TNR: variants seen among roughly 807,000 people sequenced by gnomAD.
TNR encodes the protein tenascin R.
In TNR, 45 loss-of-function variants were observed where a neutral mutation model predicts 150.4. The ratio of observed to expected loss-of-function variants is 0.30; its 90% CI spans 0.24 to 0.38. The LOEUF is 0.38. Among genes scored for constraint, TNR ranks in the 10% least tolerant of loss-of-function variants. The probability of loss-of-function intolerance (pLI) is 1.00; values close to 1 mark genes in which losing one functional copy is unlikely to be tolerated. For synonymous variants in TNR, 687 were observed against 678.4 expected (o/e 1.01, Z -0.20); for missense variants, 1,544 against 1,759.1 (o/e 0.88, Z 2.19).
At chr1:175,725,487 T>C (rs1347679961) in intron 1 of TNR, among the ~76,000 whole-genome samples, 1 of 152,188 alleles carries the variant, frequency 6.6e-6, no homozygotes, top group African/African-American at 2.4e-5. Context: ...TGACAAATGT[T>C]CACAAAACAC....
chr1:175,616,985 C>A (rs1330888045), intron 1 of TNR, among the ~76,000 whole-genome samples: 2 of 152,216 alleles, frequency 1.3e-5, no homozygotes, highest in African/African-American at 4.8e-5. Context: ...CAGCCATTAA[C>A]AAATATGTGA....
rs112639030 is a variant in TNR, at chr1:175,400,788, G to A, written c.976+2352C>T. On this transcript the variant is annotated intron_variant, in intron 4 of 22. Coordinates refer to ENST00000367674, the MANE Select transcript of TNR (RefSeq NM_003285.3). Reference sequence around the variant, plus strand: ...ACATCGTGCTGTGGTGTGTGCACCCGGCCAGGAACGTCAAACAGTGGATAA... The same window carrying A: ...ACATCGTGCTGTGGTGTGTGCACCCAGCCAGGAACGTCAAACAGTGGATAA... Among the ~76,000 whole-genome samples, 477 of 152,182 alleles carry A rather than the reference G, an allele frequency of 3.1e-3. 2 individuals are homozygous for A. The highest frequency in any genetic ancestry group is 0.011 in the African/African-American group (459 of 41,510).
intron 18 of TNR, among the ~76,000 whole-genome samples, chr1:175,349,381 G>A (rs1404442602): frequency 6.6e-6 from 1 of 152,154 alleles, no homozygotes; most frequent in Non-Finnish European, 1.5e-5. Context: ...TAAGATGGGT[G>A]CCCACCATGC....
intron 1 of TNR, among the ~76,000 whole-genome samples, chr1:175,723,829 C>T (rs1273342816): frequency 6.6e-6 from 1 of 152,152 alleles, no homozygotes; most frequent in East Asian, 1.9e-4. Context: ...CAAGATCACA[C>T]CACTGTACTC....
At chr1:175,525,654 C>T (rs946236692) in intron 2 of TNR, among the ~76,000 whole-genome samples, 1 of 152,216 alleles carries the variant, frequency 6.6e-6, no homozygotes, top group African/African-American at 2.4e-5. Context: ...CCTTCACCTA[C>T]CTGGCTCCTT....
chr1:175,648,057 C>T (rs1005976997), intron 1 of TNR, among the ~76,000 whole-genome samples: 2 of 152,018 alleles, frequency 1.3e-5, no homozygotes, highest in African/African-American at 4.8e-5. Context: ...CTCTGATCTC[C>T]CACACCCTCC....
intron 1 of TNR, among the ~76,000 whole-genome samples, chr1:175,582,557 T>A (rs144132384): frequency 6.6e-6 from 1 of 152,296 alleles, no homozygotes; most frequent in African/African-American, 2.4e-5. Context: ...TGCTCCATGT[T>A]CTACTTTGAG....
intron 1 of TNR, among the ~76,000 whole-genome samples, chr1:175,580,939 G>A (rs968031475): frequency 2.0e-5 from 3 of 152,086 alleles, no homozygotes; most frequent in African/African-American, 7.2e-5. Context: ...GGGGGTGGGG[G>A]ATGGGGGTCT....
chr1:175,395,885 A>T (rs558849262), intron 5 of TNR, among the ~76,000 whole-genome samples: 1 of 152,174 alleles, frequency 6.6e-6, no homozygotes, highest in Admixed American at 6.5e-5. Context: ...GTTTCCCTTT[A>T]TGTATAAAAA....
chr1:175,530,051 A>T (rs1403095544), intron 1 of TNR, among the ~76,000 whole-genome samples: 1 of 152,258 alleles, frequency 6.6e-6, no homozygotes, highest in African/African-American at 2.4e-5. Flanking sequence ...AAAGTGACAC[A>T]TGCTTATTAT....
At chr1:175,365,363 C>G (rs981051883) in intron 11 of TNR, 84 bp from the exon 12 acceptor site, 91 of 1,455,296 alleles carry the variant, frequency 6.3e-5, no homozygotes, top group Admixed American at 9.9e-5. Context: ...CTAAAGGGAC[C>G]TGCTCTCCTT....
intron 2 of TNR, among the ~76,000 whole-genome samples, chr1:175,479,087 G>A (rs1437904675): frequency 6.6e-6 from 1 of 152,146 alleles, no homozygotes; most frequent in Non-Finnish European, 1.5e-5. Context: ...AGGTTTAGAA[G>A]AGTTCAAAAA....
chr1:175,671,993 A>G (rs1348744385), intron 1 of TNR, among the ~76,000 whole-genome samples: 1 of 151,522 alleles, frequency 6.6e-6, no homozygotes, highest in Non-Finnish European at 1.5e-5. Context: ...TGAAGGGCAC[A>G]GGCTTTGGCA....
intron 1 of TNR, among the ~76,000 whole-genome samples, chr1:175,568,972 C>CT (rs986577752): frequency 3.3e-5 from 5 of 151,638 alleles, no homozygotes; most frequent in South Asian, 2.1e-4. Context: ...AAGTAAGAGG[C>CT]TTTTTTTTCT....
At chr1:175,444,227 G>C (rs1351612090) in intron 2 of TNR, among the ~76,000 whole-genome samples, 1 of 152,196 alleles carries the variant, frequency 6.6e-6, no homozygotes, top group Non-Finnish European at 1.5e-5. Context: ...AGTTATGGCT[G>C]TGCTGATCAG....
In TNR at chr1:175,386,103, C is replaced by T. The variant is rs776579268; in HGVS notation, c.1706G>A (p.Arg569Gln). Residue 569 changes from arginine to glutamine, a missense_variant, in exon 8 of 23, where the codon CGA (arginine) becomes CAA (glutamine). Coordinates refer to ENST00000367674, the MANE Select transcript of TNR (RefSeq NM_003285.3). ...GACGGCACTGACTGACACCTCGTATCGGGAGCCAGGCCGCAGGGCCTGCAC... is the reference window on the plus strand; with the variant it reads ...GACGGCACTGACTGACACCTCGTATTGGGAGCCAGGCCGCAGGGCCTGCAC... Reference protein sequence around the residue: ...YSVQALRPGSRYEVSVSAVRG... With the variant: ...YSVQALRPGSQYEVSVSAVRG... 2 of 1,612,548 alleles carry T rather than the reference C, an allele frequency of 1.2e-6. No homozygotes were observed. Among genetic ancestry groups the T allele is most frequent in the Non-Finnish European group, 1.7e-6 (2 of 1,178,918 alleles).
chr1:175,482,290 C>CTTACGTCTTTGTCCTCAA (rs1657844547), intron 2 of TNR, among the ~76,000 whole-genome samples: 1 of 152,150 alleles, frequency 6.6e-6, no homozygotes. Flanking sequence ...CACATGGATA[C>CTTACGTCTTTGTCCTCAA]AGGAAAGTGA....
chr1:175,491,605 G>A (rs1418171433), intron 2 of TNR, among the ~76,000 whole-genome samples: 3 of 147,852 alleles, frequency 2.0e-5, no homozygotes, highest in African/African-American at 7.5e-5. Context: ...CATAGCACAA[G>A]CATCTGTGTA....
intron 2 of TNR, among the ~76,000 whole-genome samples, chr1:175,446,102 T>G (rs961501055): frequency 6.6e-6 from 1 of 152,228 alleles, no homozygotes; most frequent in Non-Finnish European, 1.5e-5. Context: ...CTCCTGCTCC[T>G]CAGTGCAGGA....
Sources: gnomAD v4.1 joint callset for allele counts (sites outside exome capture counted in the v4.1 genomes callset) on GRCh38, gnomAD v4.1.1 for gene constraint, MANE v1.5 for transcripts, NCBI Gene and HGNC (gene_info 2026-07-23, HGNC 2026-07-21) for gene names.